The following ADAMTSL1 variants were observed in gnomAD, a reference collection of about 807,000 sequenced individuals.
ADAMTSL1 encodes ADAMTS like 1, also known as ADAMTS-like protein 1.
Under a neutral mutation model 201.8 loss-of-function variants are expected in ADAMTSL1, and 126 were observed. The observed-to-expected ratio is 0.62, with a 90% CI of 0.54 to 0.72. The LOEUF (loss-of-function observed/expected upper bound fraction) is 0.72. Among genes scored for constraint, ADAMTSL1 ranks in the 30% least tolerant of loss-of-function variants. ADAMTSL1 has a pLI of 0.00. For missense variants in ADAMTSL1, 2,679 were observed against 2,277.8 expected (o/e 1.18, Z -3.59); for synonymous variants, 1,121 against 903.4 (o/e 1.24, Z -4.32).
chr9:18,736,443 G>A (rs1420183407), intron 15 of ADAMTSL1, among the ~76,000 whole-genome samples: 2 of 152,196 alleles, frequency 1.3e-5, no homozygotes, highest in Non-Finnish European at 2.9e-5. Context: ...ATAGTGTCAG[G>A]CACTTTATCT....
chr9:18,264,594 G>A (rs145874337), intron 2 of ADAMTSL1, among the ~76,000 whole-genome samples: 275 of 152,186 alleles, frequency 1.8e-3, no homozygotes, highest in Non-Finnish European at 2.6e-3. Flanking sequence ...ACAGGCCCCC[G>A]ACAGGAGTGA....
chr9:18,035,993 C>T (rs1443428103), intron 1 of ADAMTSL1, among the ~76,000 whole-genome samples: 2 of 152,142 alleles, frequency 1.3e-5, no homozygotes, highest in African/African-American at 4.8e-5. Flanking sequence ...AGAAAGCCTA[C>T]ACCAACATTA....
chr9:18,380,418 G>A (rs1282114605), intron 2 of ADAMTSL1, among the ~76,000 whole-genome samples: 1 of 152,126 alleles, frequency 6.6e-6, no homozygotes, highest in Non-Finnish European at 1.5e-5. Context: ...GGAAATAAGG[G>A]AATAAAAATT....
intron 2 of ADAMTSL1, among the ~76,000 whole-genome samples, chr9:18,192,331 C>A (rs981735424): frequency 9.2e-5 from 14 of 152,092 alleles, no homozygotes; most frequent in African/African-American, 3.4e-4. Flanking sequence ...CTGTCCTGGG[C>A]AAAATCTCCT....
At chr9:18,694,794 G>A (rs1397159249) in intron 13 of ADAMTSL1, among the ~76,000 whole-genome samples, 1 of 152,182 alleles carries the variant, frequency 6.6e-6, no homozygotes, top group Non-Finnish European at 1.5e-5. Flanking sequence ...CCCCAGTTGA[G>A]ACTCTGTGTG....
At chr9:18,197,560 C>A (rs1466343622) in intron 2 of ADAMTSL1, among the ~76,000 whole-genome samples, 5 of 142,836 alleles carry the variant, frequency 3.5e-5, no homozygotes, top group African/African-American at 1.3e-4. Context: ...AGTTGCTTAT[C>A]AGCTTAAGGA....
rs75395034 is a variant in ADAMTSL1, at chr9:18,902,722, G to A, written c.4852-3060G>A. 1.7e-3 allele frequency among the ~76,000 whole-genome samples: 263 copies of A among 152,060 alleles called. 1 individual carries two copies. Among genetic ancestry groups the A allele is most frequent in the African/African-American group, 6.2e-3 (257 of 41,492 alleles). On this transcript the variant is annotated intron_variant, in intron 26 of 28. Coordinates refer to ENST00000380548, the MANE Select transcript of ADAMTSL1 (RefSeq NM_001040272.6). ...AGAAAATGAGCAAACTAAACCTAAC[G>A]CTAGCAGAAGAGGATAATAAAGATT...
At chr9:18,705,861 T>C (rs1832197915) in intron 13 of ADAMTSL1, among the ~76,000 whole-genome samples, 1 of 152,244 alleles carries the variant, frequency 6.6e-6, no homozygotes, top group Non-Finnish European at 1.5e-5. Context: ...ATCAGTCTGC[T>C]ATAAGAATAG....
intron 2 of ADAMTSL1, among the ~76,000 whole-genome samples, chr9:18,316,426 G>T (rs1834397585): frequency 6.6e-6 from 1 of 152,052 alleles, no homozygotes; most frequent in African/African-American, 2.4e-5. Context: ...GCACACCTGG[G>T]GGGGCCGTTT....
At chr9:18,738,556 T>G (rs1818647005) in intron 15 of ADAMTSL1, among the ~76,000 whole-genome samples, 1 of 152,198 alleles carries the variant, frequency 6.6e-6, no homozygotes. Flanking sequence ...TCCATGTTTT[T>G]TTGCAACTTC....
chr9:18,314,265 A>C (rs77426248), intron 2 of ADAMTSL1, among the ~76,000 whole-genome samples: 3,286 of 152,230 alleles, frequency 0.022, 71 homozygotes, highest in African/African-American at 0.06. Context: ...GCCAATATGG[A>C]AAACAGTATG....
chr9:18,109,489 A>G (rs1306013364), intron 1 of ADAMTSL1, among the ~76,000 whole-genome samples: 1 of 152,174 alleles, frequency 6.6e-6, no homozygotes, highest in Non-Finnish European at 1.5e-5. Flanking sequence ...CCTGTCATCC[A>G]ACTTCAGTTT....
At chr9:17,936,347 T>C (rs950230870) in intron 1 of ADAMTSL1, among the ~76,000 whole-genome samples, 1 of 152,148 alleles carries the variant, frequency 6.6e-6, no homozygotes, top group Admixed American at 6.6e-5. Context: ...CTAGGCACCA[T>C]TGAGGTAGAA....
At chr9:18,293,548 G>C (rs763697001) in intron 2 of ADAMTSL1, among the ~76,000 whole-genome samples, 2 of 152,182 alleles carry the variant, frequency 1.3e-5, no homozygotes, top group African/African-American at 2.4e-5. Flanking sequence ...ATACCGAAAG[G>C]TATGCATAAA....
At chr9:18,692,235 A>G (rs1187353025) in intron 13 of ADAMTSL1, among the ~76,000 whole-genome samples, 3 of 152,244 alleles carry the variant, frequency 2.0e-5, no homozygotes, top group African/African-American at 7.2e-5. Context: ...AAAATGAGTA[A>G]GAAAAGTTCA....
chr9:18,406,957 A>G (rs1176972134), intron 2 of ADAMTSL1, among the ~76,000 whole-genome samples: 1 of 152,196 alleles, frequency 6.6e-6, no homozygotes, highest in Admixed American at 6.5e-5. Context: ...AAATGTGAAA[A>G]GCAGGTTTAT....
At chr9:18,380,823 T>C (rs1837526191) in intron 2 of ADAMTSL1, among the ~76,000 whole-genome samples, 1 of 152,194 alleles carries the variant, frequency 6.6e-6, no homozygotes, top group South Asian at 2.1e-4. Context: ...TTTACTACAG[T>C]CCATCAGGTG....
chr9:18,179,078 C>T (rs368111046), intron 2 of ADAMTSL1, among the ~76,000 whole-genome samples: 37 of 141,334 alleles, frequency 2.6e-4, no homozygotes, highest in South Asian at 7.0e-4. Flanking sequence ...CAAATTACTC[C>T]GAGCTACGGG....
intron 2 of ADAMTSL1, among the ~76,000 whole-genome samples, chr9:18,260,788 G>A (rs918415211): frequency 2.0e-5 from 3 of 152,152 alleles, no homozygotes; most frequent in African/African-American, 7.2e-5. Context: ...CCACTTACGG[G>A]GGAGGTGAAG....
Sources: gnomAD v4.1 joint callset for allele counts (sites outside exome capture counted in the v4.1 genomes callset) on GRCh38, gnomAD v4.1.1 for gene constraint, MANE v1.5 for transcripts, NCBI Gene and HGNC (gene_info 2026-07-23, HGNC 2026-07-21) for gene names.